PIAS1: variants seen among roughly 807,000 people sequenced by gnomAD.
The protein encoded by PIAS1 is protein inhibitor of activated STAT 1.
In PIAS1, 6 loss-of-function variants were observed where a neutral mutation model predicts 71.3. That is an observed-to-expected ratio of 0.08 (90% CI 0.05 to 0.17). The LOEUF (loss-of-function observed/expected upper bound fraction) is 0.17, where lower values mean the gene tolerates loss of function less well. PIAS1 is among the 10% of genes least tolerant of loss of function. The pLI, the probability that PIAS1 is intolerant of heterozygous loss-of-function variation, is 1.00. For synonymous variants in PIAS1, 303 were observed against 292.9 expected, an observed-to-expected ratio of 1.03 and a Z score of -0.35; for missense variants, 555 against 793.6, an observed-to-expected ratio of 0.70 and a Z score of 3.61.
chr15:68,088,176 G>GTATATATATATATGTATA (rs1555424825), intron 2 of PIAS1, among the ~76,000 whole-genome samples: 7 of 73,008 alleles, frequency 9.6e-5, no homozygotes, highest in African/African-American at 4.3e-4. Context: ...TTATGTGTGT[G>GTATATATATATATGTATA]TATATATATA....
At chr15:68,084,774 C>T (rs1357278585) in intron 1 of PIAS1, among the ~76,000 whole-genome samples, 1 of 152,102 alleles carries the variant, frequency 6.6e-6, no homozygotes, top group Non-Finnish European at 1.5e-5. Context: ...CCATGGAGAA[C>T]CCTGGTTTGC....
intron 6 of PIAS1, among the ~76,000 whole-genome samples, chr15:68,147,414 T>G (rs1014755616): frequency 6.6e-6 from 1 of 152,210 alleles, no homozygotes; most frequent in African/African-American, 2.4e-5. Flanking sequence ...GTTTCTCTAT[T>G]GCTGTTTTTG....
intron 1 of PIAS1, among the ~76,000 whole-genome samples, chr15:68,069,886 A>G (rs1056494650): frequency 6.6e-6 from 1 of 151,888 alleles, no homozygotes; most frequent in Non-Finnish European, 1.5e-5. Flanking sequence ...GTACCTTTCC[A>G]TATTTGAATT....
Position 68,174,190 on chromosome 15 carries a change from C to T in PIAS1, c.1169+298C>T, listed in dbSNP as rs369909442. On this transcript the variant is annotated intron_variant, in intron 9 of 13. Coordinates refer to ENST00000249636, the MANE Select transcript of PIAS1 (RefSeq NM_016166.3). This position sits in a 1 kb window ranked among gnomAD's most constrained non-coding sequence, Gnocchi z 4.0. ...TGCTTATACCTTTTCCTTTTCCTGT[C>T]ATTAGTCCATCCATCCCTAGATATG... Among the ~76,000 whole-genome samples, 2 of 152,148 alleles carry T rather than the reference C, an allele frequency of 1.3e-5. No homozygotes were observed. The highest frequency in any genetic ancestry group is 2.9e-5 in the Non-Finnish European group (2 of 68,038).
chr15:68,146,562 T>C lies in PIAS1; in HGVS notation c.694-4T>C, dbSNP rs1357198444. 3 of 1,608,740 alleles carry C rather than the reference T, an allele frequency of 1.9e-6. No individual in the cohort carries two copies. In the Admixed American group the frequency reaches 5.0e-5, roughly 27 times the overall value. On this transcript the variant is annotated splice_region_variant and splice_polypyrimidine_tract_variant and intron_variant, in intron 5 of 13. Coordinates refer to ENST00000249636, the MANE Select transcript of PIAS1 (RefSeq NM_016166.3). ...AGTATAAATAAATTACATTTCATTT[T>C]TAGGGTTACCTTCCACCTACAAAAA...
chr15:68,118,853 A>G (rs920329607), intron 2 of PIAS1, among the ~76,000 whole-genome samples: 3 of 152,204 alleles, frequency 2.0e-5, no homozygotes, highest in Non-Finnish European at 4.4e-5. Flanking sequence ...ATAGTAGGAA[A>G]AAAACATAGG....
intron 6 of PIAS1, among the ~76,000 whole-genome samples, chr15:68,148,353 A>G (rs1205569844): frequency 6.6e-6 from 1 of 152,186 alleles, no homozygotes; most frequent in East Asian, 1.9e-4. Flanking sequence ...AGAGTGGTAT[A>G]TGAGATGTGG....
intron 1 of PIAS1, among the ~76,000 whole-genome samples, chr15:68,059,985 A>G (rs2140952400): frequency 6.6e-6 from 1 of 152,326 alleles, no homozygotes; most frequent in Middle Eastern, 3.4e-3. Flanking sequence ...GTTCATTGTC[A>G]TACCTTTATT....
At chr15:68,075,127 C>A (rs1283369614) in intron 1 of PIAS1, among the ~76,000 whole-genome samples, 1 of 131,808 alleles carries the variant, frequency 7.6e-6, no homozygotes, top group East Asian at 2.1e-4. Flanking sequence ...CTCTTTTGCC[C>A]AGGCTGGAGC....
Position 68,075,078 on chromosome 15 carries a change from C to CT in PIAS1, c.25-11202dup, listed in dbSNP as rs146114696. ...ATAAAAACATTTTCTTTCTTTCTTT[C>CT]TTTTTTTTTTTTTTTTTTTTTTTTT... On this transcript the variant is annotated intron_variant, in intron 1 of 13. Transcript: ENST00000249636. Among the ~76,000 whole-genome samples, 746 of 81,756 alleles carry CT rather than the reference C, an allele frequency of 9.1e-3. 60 individuals are homozygous for CT. The highest frequency in any genetic ancestry group is 0.05 in the East Asian group (137 of 2,736). 53.6% of individuals were successfully genotyped at this position (81,756 alleles called of 152,430 possible). A position where few individuals can be genotyped will look rare whatever the true frequency, so the allele number is the denominator to read the frequency against.
At chr15:68,183,207 C>CTAA (rs1567081461) in intron 12 of PIAS1, among the ~76,000 whole-genome samples, 1 of 152,160 alleles carries the variant, frequency 6.6e-6, no homozygotes, top group Non-Finnish European at 1.5e-5. Context: ...ACTTACTTAA[C>CTAA]CTAACTCTTT....
chr15:68,089,715 C>G (rs913180938), intron 2 of PIAS1, among the ~76,000 whole-genome samples: 1 of 150,912 alleles, frequency 6.6e-6, no homozygotes, highest in African/African-American at 2.4e-5. Context: ...TGCCACCATG[C>G]CCGACTAATT....
chr15:68,188,199 ATT>A lies in PIAS1; in HGVS notation c.*367_*368del, dbSNP rs2093100723. 3 of 163,280 alleles carry A rather than the reference ATT, an allele frequency of 1.8e-5. No individual in the cohort carries two copies. The highest frequency in any genetic ancestry group is 7.2e-5 in the African/African-American group (3 of 41,736). 10.1% of individuals were successfully genotyped at this position (163,280 alleles called of 1,614,324 possible). On this transcript the variant is annotated 3_prime_UTR_variant, in exon 14 of 14. Transcript: ENST00000249636. Reference sequence around the variant, plus strand: ...GGTTTTATTTGACTTCGATGGCATTATTTTATTTGCAATAACAGAAAAGGAAT... The same window carrying A: ...GGTTTTATTTGACTTCGATGGCATTATTATTTGCAATAACAGAAAAGGAAT...
At chr15:68,179,436 A>G (rs2093038778) in intron 11 of PIAS1, among the ~76,000 whole-genome samples, 1 of 152,102 alleles carries the variant, frequency 6.6e-6, no homozygotes, top group Admixed American at 6.5e-5. Flanking sequence ...TTTCCATTAG[A>G]TGAAACATTT....
At chr15:68,088,174 G>GTATATATATATATATATA (rs1193055165) in intron 2 of PIAS1, among the ~76,000 whole-genome samples, 2 of 27,942 alleles carry the variant, frequency 7.2e-5, no homozygotes, top group Non-Finnish European at 1.4e-4. Flanking sequence ...GATTATGTGT[G>GTATATATATATATATATA]TGTATATATA....
Position 68,087,619 on chromosome 15 carries a change from A to G in PIAS1, c.469+869A>G, listed in dbSNP as rs191268882. Among the ~76,000 whole-genome samples the G allele has an allele frequency of 2.6e-3, 402 of 152,326 alleles. 1 individual carries two copies. The highest frequency in any genetic ancestry group is 0.014 in the Middle Eastern group (4 of 294). On this transcript the variant is annotated intron_variant, in intron 2 of 13. Coordinates refer to ENST00000249636, the MANE Select transcript of PIAS1 (RefSeq NM_016166.3). ...TTATTAACAAAAAAGGAAAGAAACA[A>G]AAACAAAGAATGTGTAACGGAGACC... is the stretch of plus-strand genomic sequence containing the variant.
intron 2 of PIAS1, among the ~76,000 whole-genome samples, chr15:68,109,391 T>C (rs2092502077): frequency 6.6e-6 from 1 of 152,216 alleles, no homozygotes; most frequent in Admixed American, 6.5e-5. Context: ...GTAAATGCCA[T>C]AAGGGCAGTG....
At position 68,077,959 on chromosome 15, in the gene PIAS1, C is replaced by T. The variant is rs530328362; in HGVS notation, c.25-8347C>T. 8.5e-5 allele frequency among the ~76,000 whole-genome samples: 13 copies of T among 152,264 alleles called. No individual in the cohort carries two copies. In the South Asian group the frequency reaches 1.9e-3, roughly 22 times the overall value. ...CTTGTCACTTTTTGTTTTGTTAATA[C>T]GTGTTTCTTCTTTTAGGCTTTTCAG... is the stretch of plus-strand genomic sequence containing the variant. On this transcript the variant is annotated intron_variant, in intron 1 of 13. Coordinates refer to ENST00000249636, the MANE Select transcript of PIAS1 (RefSeq NM_016166.3).
intron 2 of PIAS1, among the ~76,000 whole-genome samples, chr15:68,090,000 C>T (rs2092319774): frequency 6.6e-6 from 1 of 151,632 alleles, no homozygotes; most frequent in African/African-American, 2.4e-5. Context: ...CCACCTCAGC[C>T]TCCCCAGTAG....
Sources: gnomAD v4.1 joint callset for allele counts (sites outside exome capture counted in the v4.1 genomes callset) on GRCh38, gnomAD v4.1.1 for gene constraint, Gnocchi (gnomAD v3.1) non-coding constraint, MANE v1.5 for transcripts, NCBI Gene and HGNC (gene_info 2026-07-23, HGNC 2026-07-21) for gene names.